Variants in LINGO2 observed in about 807,000 individuals in gnomAD.
The protein encoded by LINGO2 is leucine-rich repeat and immunoglobulin-like domain-containing nogo receptor-interacting protein 2.
In LINGO2, 14 loss-of-function variants were observed where a neutral mutation model predicts 30.6. The ratio of observed to expected loss-of-function variants is 0.46; its 90% CI spans 0.30 to 0.72. The LOEUF (loss-of-function observed/expected upper bound fraction) is 0.72. LINGO2 is among the 30% of genes least tolerant of loss of function. The pLI is 0.07. For missense variants in LINGO2, 729 were observed against 751.7 expected, an observed-to-expected ratio of 0.97 and a Z score of 0.35; for synonymous variants, 317 against 288.5, an observed-to-expected ratio of 1.10 and a Z score of -1.00.
At chr9:28,772,028 T>C in the LINGO2 span, among the ~76,000 whole-genome samples, 5 of 152,168 alleles carry the variant, frequency 3.3e-5, no homozygotes, top group African/African-American at 1.2e-4. Context: ...CCTAGCACAG[T>C]GCTCTGAAGA....
chr9:27,956,970 C>T (rs1048647864), intron 5 of LINGO2, among the ~76,000 whole-genome samples: 1 of 152,030 alleles, frequency 6.6e-6, no homozygotes, highest in East Asian at 1.9e-4. Context: ...TGGCATGCAT[C>T]TGTATTCCTA....
intron 4 of LINGO2, among the ~76,000 whole-genome samples, chr9:28,111,717 C>A (rs976928925): frequency 2.0e-5 from 3 of 152,026 alleles, no homozygotes; most frequent in Non-Finnish European, 4.4e-5. Context: ...GGGCTTCACC[C>A]ATATTAATTG....
At chr9:28,531,643 A>G (rs1323199526) in intron 1 of LINGO2, among the ~76,000 whole-genome samples, 1 of 152,174 alleles carries the variant, frequency 6.6e-6, no homozygotes, top group African/African-American at 2.4e-5. Flanking sequence ...TATTTATATA[A>G]AAATTATTGT....
chr9:29,063,750 G>A, the LINGO2 span, among the ~76,000 whole-genome samples: 24,530 of 151,990 alleles, frequency 0.16, 2,198 homozygotes, highest in South Asian at 0.21. Context: ...ATCTTTCTCC[G>A]TTACAAGGTA....
At chr9:28,848,136 C>CGT in the LINGO2 span, among the ~76,000 whole-genome samples, 1 of 62,408 alleles carries the variant, frequency 1.6e-5, no homozygotes, top group East Asian at 4.5e-4. Flanking sequence ...CTATATATAG[C>CGT]ATATATATAC....
the LINGO2 span, among the ~76,000 whole-genome samples, chr9:29,134,736 T>C: frequency 6.6e-6 from 1 of 152,078 alleles, no homozygotes; most frequent in South Asian, 2.1e-4. Context: ...AGGTACTCAA[T>C]CTATAAAATA....
At chr9:29,171,341 G>A in the LINGO2 span, among the ~76,000 whole-genome samples, 1 of 152,036 alleles carries the variant, frequency 6.6e-6, no homozygotes, top group Admixed American at 6.6e-5. Context: ...ACTGAGGAGA[G>A]GAGAACAAAG....
At chr9:28,530,832 T>C (rs1185390181) in intron 1 of LINGO2, among the ~76,000 whole-genome samples, 1 of 151,960 alleles carries the variant, frequency 6.6e-6, no homozygotes, top group Non-Finnish European at 1.5e-5. Flanking sequence ...ATGTGTACTG[T>C]ATTGAATATT....
At chr9:28,347,233 T>C (rs796841881) in intron 3 of LINGO2, among the ~76,000 whole-genome samples, 1 of 152,214 alleles carries the variant, frequency 6.6e-6, no homozygotes, top group South Asian at 2.1e-4. Flanking sequence ...CAAAAATTAT[T>C]AAACCTATTA....
intron 1 of LINGO2, among the ~76,000 whole-genome samples, chr9:28,649,906 A>T (rs960097432): frequency 7.9e-5 from 12 of 152,178 alleles, no homozygotes; most frequent in Non-Finnish European, 1.3e-4. Context: ...CAGAAGGCAG[A>T]GACCAGTTTT....
At chr9:28,781,102 A>G in the LINGO2 span, among the ~76,000 whole-genome samples, 1 of 152,154 alleles carries the variant, frequency 6.6e-6, no homozygotes, top group Non-Finnish European at 1.5e-5. Context: ...ATCATTTTAT[A>G]CATGAGGTTT....
intron 2 of LINGO2, among the ~76,000 whole-genome samples, chr9:28,399,383 A>T (rs2134735231): frequency 6.6e-6 from 1 of 152,352 alleles, no homozygotes; most frequent in Non-Finnish European, 1.5e-5. Context: ...GAAACTAAAA[A>T]GTATATAAAT....
At chr9:28,569,309 T>A (rs1275103245) in intron 1 of LINGO2, among the ~76,000 whole-genome samples, 1 of 151,886 alleles carries the variant, frequency 6.6e-6, no homozygotes, top group African/African-American at 2.4e-5. Flanking sequence ...GGAAATGAAA[T>A]CAGTATCTTG....
chr9:28,406,130 C>T (rs1011751610), intron 2 of LINGO2, among the ~76,000 whole-genome samples: 12 of 152,086 alleles, frequency 7.9e-5, no homozygotes, highest in Admixed American at 2.0e-4. Context: ...GAAGTTTTGA[C>T]TTACATTCGA....
chr9:28,449,177 C>T (rs890531287), intron 2 of LINGO2, among the ~76,000 whole-genome samples: 23 of 151,766 alleles, frequency 1.5e-4, no homozygotes, highest in Non-Finnish European at 2.9e-4. Flanking sequence ...CACGCCACAG[C>T]CTGTCTATGT....
intron 1 of LINGO2, among the ~76,000 whole-genome samples, chr9:28,578,907 C>T (rs1207143530): frequency 1.3e-5 from 2 of 152,104 alleles, no homozygotes; most frequent in Non-Finnish European, 2.9e-5. Context: ...TAGGTTGTTA[C>T]CCCAGTCATG....
At chr9:28,531,068 A>T (rs1587813566) in intron 1 of LINGO2, among the ~76,000 whole-genome samples, 2 of 147,720 alleles carry the variant, frequency 1.4e-5, no homozygotes, top group African/African-American at 5.0e-5. Context: ...TATATATAAT[A>T]TATAAAATTC....
At chr9:28,424,476 A>G (rs1257745611) in intron 2 of LINGO2, among the ~76,000 whole-genome samples, 1 of 152,032 alleles carries the variant, frequency 6.6e-6, no homozygotes, top group Non-Finnish European at 1.5e-5. Context: ...CAACACAACA[A>G]CTAACAGCAC....
intron 2 of LINGO2, among the ~76,000 whole-genome samples, chr9:28,445,044 T>C (rs968801246): frequency 2.0e-5 from 3 of 152,172 alleles, no homozygotes; most frequent in African/African-American, 7.2e-5. Context: ...CTACCTCACT[T>C]AAGTAATTTA....
Sources: gnomAD v4.1 joint callset for allele counts (sites outside exome capture counted in the v4.1 genomes callset) on GRCh38, gnomAD v4.1.1 for gene constraint, MANE v1.5 for transcripts, NCBI Gene and HGNC (gene_info 2026-07-23, HGNC 2026-07-21) for gene names.